METTL15: variants seen among roughly 807,000 people sequenced by gnomAD.
The protein encoded by METTL15 is 12S rRNA N(4)-cytidine methyltransferase METTL15.
A neutral mutation model predicts 38.3 loss-of-function variants in METTL15; 34 were observed. The observed-to-expected ratio is 0.89, with a 90% CI of 0.68 to 1.18. The LOEUF is 1.18. Among genes scored for constraint, METTL15 ranks in the 50% most tolerant of loss-of-function variants. The pLI is 0.00. For missense variants in METTL15, 438 were observed against 498.4 expected, an observed-to-expected ratio of 0.88 and a Z score of 1.15; for synonymous variants, 162 against 170.9, an observed-to-expected ratio of 0.95 and a Z score of 0.41.
intron 5 of METTL15, among the ~76,000 whole-genome samples, chr11:28,394,438 C>T (rs1248379656): frequency 6.6e-6 from 1 of 152,046 alleles, no homozygotes; most frequent in African/African-American, 2.4e-5. Context: ...ATTTTCTTTT[C>T]TGCCCTCTTT....
chr11:28,112,330 T>C (rs961161038), intron 2 of METTL15, among the ~76,000 whole-genome samples: 3 of 152,168 alleles, frequency 2.0e-5, no homozygotes, highest in African/African-American at 7.2e-5. Context: ...TAAGCACTGA[T>C]GTGCATCTTA....
intron 4 of METTL15, among the ~76,000 whole-genome samples, chr11:28,274,886 G>A (rs1177002136): frequency 6.6e-6 from 1 of 151,630 alleles, no homozygotes; most frequent in East Asian, 1.9e-4. Context: ...GTATATATAT[G>A]TAACAAACCT....
At chr11:28,114,170 G>A (rs1851843812) in intron 3 of METTL15, among the ~76,000 whole-genome samples, 4 of 151,970 alleles carry the variant, frequency 2.6e-5, no homozygotes, top group Admixed American at 2.6e-4. Flanking sequence ...CAACCACTAA[G>A]CTATTTTTTT....
At chr11:28,497,011 G>C (rs1288499923) in intron 6 of METTL15, among the ~76,000 whole-genome samples, 1 of 152,210 alleles carries the variant, frequency 6.6e-6, no homozygotes, top group African/African-American at 2.4e-5. Flanking sequence ...ATTGAGGCTA[G>C]TACAAAGGAA....
At chr11:28,393,373 C>A (rs1850531923) in intron 5 of METTL15, among the ~76,000 whole-genome samples, 1 of 151,902 alleles carries the variant, frequency 6.6e-6, no homozygotes, top group Non-Finnish European at 1.5e-5. Context: ...TAACAAATTA[C>A]CCCAAATTTA....
intron 3 of METTL15, among the ~76,000 whole-genome samples, chr11:28,147,138 C>T (rs1849915336): frequency 6.6e-6 from 1 of 151,830 alleles, no homozygotes; most frequent in Non-Finnish European, 1.5e-5. Flanking sequence ...TGATAGGTTT[C>T]AGGCACTTTA....
At chr11:28,488,982 A>G (rs921584317) in intron 6 of METTL15, among the ~76,000 whole-genome samples, 7 of 152,074 alleles carry the variant, frequency 4.6e-5, no homozygotes, top group Non-Finnish European at 1.0e-4. Flanking sequence ...TATGGCTACA[A>G]CCCTCTCTTC....
chr11:28,221,826 C>G (rs576419608), intron 4 of METTL15, among the ~76,000 whole-genome samples: 1 of 152,204 alleles, frequency 6.6e-6, no homozygotes, highest in Non-Finnish European at 1.5e-5. Flanking sequence ...CACTCCAGAC[C>G]CTGTTTGCCT....
chr11:28,304,015 A>T (rs967385461), intron 6 of METTL15, among the ~76,000 whole-genome samples: 2 of 152,192 alleles, frequency 1.3e-5, no homozygotes, highest in Non-Finnish European at 2.9e-5. Flanking sequence ...TCTTGCTATG[A>T]CTAATAAATG....
At chr11:28,415,462 C>G (rs1330136225) in intron 5 of METTL15, among the ~76,000 whole-genome samples, 1 of 152,126 alleles carries the variant, frequency 6.6e-6, no homozygotes, top group Non-Finnish European at 1.5e-5. Flanking sequence ...TTGCACAGTG[C>G]TTTTCAATGA....
At chr11:28,245,062 G>A (rs1854454322) in intron 4 of METTL15, among the ~76,000 whole-genome samples, 1 of 152,140 alleles carries the variant, frequency 6.6e-6, no homozygotes, top group African/African-American at 2.4e-5. Context: ...AGCTAGACAG[G>A]CAATGTCTTA....
chr11:28,419,581 T>C (rs189523347), intron 5 of METTL15, among the ~76,000 whole-genome samples: 62 of 152,234 alleles, frequency 4.1e-4, no homozygotes, highest in Non-Finnish European at 7.2e-4. Flanking sequence ...CTACCATAAA[T>C]ACACAACTCT....
chr11:28,392,813 A>G (rs1051942513), intron 5 of METTL15, among the ~76,000 whole-genome samples: 1 of 152,142 alleles, frequency 6.6e-6, no homozygotes, highest in Non-Finnish European at 1.5e-5. Flanking sequence ...AAAACAAAAA[A>G]ACAAATAACC....
intron 4 of METTL15, among the ~76,000 whole-genome samples, chr11:28,266,862 C>G (rs1855441672): frequency 6.6e-6 from 1 of 152,032 alleles, no homozygotes; most frequent in Non-Finnish European, 1.5e-5. Context: ...AACTGTTTTA[C>G]AAAGAAGGAA....
intron 6 of METTL15, among the ~76,000 whole-genome samples, chr11:28,492,510 G>C (rs936120367): frequency 7.7e-6 from 1 of 129,218 alleles, no homozygotes; most frequent in African/African-American, 2.9e-5. Flanking sequence ...TTTAGAAAAG[G>C]CAACTGGAGC....
chr11:28,223,852 G>T (rs541831110), intron 4 of METTL15, among the ~76,000 whole-genome samples: 1 of 152,174 alleles, frequency 6.6e-6, no homozygotes, highest in South Asian at 2.1e-4. Context: ...GCAATGAGGT[G>T]TTGGTTGACT....
intron 6 of METTL15, among the ~76,000 whole-genome samples, chr11:28,437,429 T>C (rs1232848207): frequency 1.3e-5 from 2 of 152,214 alleles, no homozygotes; most frequent in African/African-American, 4.8e-5. Flanking sequence ...GATGCACATA[T>C]AGGGATGCAA....
intron 5 of METTL15, among the ~76,000 whole-genome samples, chr11:28,371,362 A>G (rs1472036849): frequency 6.6e-6 from 1 of 151,898 alleles, no homozygotes; most frequent in Non-Finnish European, 1.5e-5. Flanking sequence ...TATCTGGGAT[A>G]CCTATTCTAT....
chr11:28,395,099 A>G (rs4923535), intron 5 of METTL15, among the ~76,000 whole-genome samples: 64,435 of 151,926 alleles, frequency 0.42, 15,041 homozygotes, highest in Admixed American at 0.54. Context: ...TGTATTTGAA[A>G]AATTCTCTGC....
Sources: allele counts gnomAD v4.1 joint callset (sites outside exome capture counted in the v4.1 genomes callset), GRCh38; gene constraint gnomAD v4.1.1; transcripts MANE v1.5; gene names NCBI Gene and HGNC (gene_info 2026-07-23, HGNC 2026-07-21).